The following CSMD1 variants were observed in gnomAD, a reference collection of about 807,000 sequenced individuals.
CSMD1 encodes the protein CUB and sushi domain-containing protein 1.
Under a neutral mutation model 417.5 loss-of-function variants are expected in CSMD1, and 213 were observed. The ratio of observed to expected loss-of-function variants is 0.51; its 90% confidence interval spans 0.46 to 0.57. The LOEUF is 0.57. CSMD1 is among the 20% of genes least tolerant of loss of function. The pLI is 0.00. For missense variants in CSMD1, 6,923 were observed against 4,529.7 expected, an observed-to-expected ratio of 1.53 and a Z score of -15.17; for synonymous variants, 2,862 against 1,736.8, an observed-to-expected ratio of 1.65 and a Z score of -16.11.
chr8:4,196,999 C>T (rs757455458), intron 3 of CSMD1, among the ~76,000 whole-genome samples: 3 of 152,156 alleles, frequency 2.0e-5, no homozygotes, highest in Non-Finnish European at 4.4e-5. Context: ...CTATTCTACG[C>T]TTTCTATTTT....
At chr8:4,877,916 T>C (rs549438597) in intron 1 of CSMD1, among the ~76,000 whole-genome samples, 23 of 152,196 alleles carry the variant, frequency 1.5e-4, no homozygotes, top group Non-Finnish European at 2.5e-4. Context: ...ATTTCCATCA[T>C]GTACAATGGG....
At chr8:2,958,340 T>C (rs889045993) in intron 62 of CSMD1, among the ~76,000 whole-genome samples, 1 of 152,182 alleles carries the variant, frequency 6.6e-6, no homozygotes, top group Non-Finnish European at 1.5e-5. Context: ...CACTTAATTC[T>C]CTGTACTTTG....
At chr8:3,346,902 T>A (rs1338679389) in intron 22 of CSMD1, among the ~76,000 whole-genome samples, 1 of 152,238 alleles carries the variant, frequency 6.6e-6, no homozygotes, top group Non-Finnish European at 1.5e-5. Flanking sequence ...TGTTCCTTTC[T>A]TGCCAGAAAC....
chr8:3,960,830 T>G (rs927012510), intron 5 of CSMD1, among the ~76,000 whole-genome samples: 5 of 152,012 alleles, frequency 3.3e-5, no homozygotes, highest in African/African-American at 1.2e-4. Flanking sequence ...TAAAATTACC[T>G]TGCAATCGTA....
chr8:4,699,878 G>C (rs1807405910), intron 1 of CSMD1, among the ~76,000 whole-genome samples: 1 of 152,168 alleles, frequency 6.6e-6, no homozygotes, highest in African/African-American at 2.4e-5. Context: ...AAGAGACAAA[G>C]TTTTTCAGAT....
intron 3 of CSMD1, among the ~76,000 whole-genome samples, chr8:4,260,753 T>G (rs973603041): frequency 2.0e-5 from 3 of 152,182 alleles, no homozygotes; most frequent in Non-Finnish European, 4.4e-5. Flanking sequence ...TTTAAACAAT[T>G]TAGGCTAAGT....
At chr8:4,291,027 T>C (rs1055450336) in intron 3 of CSMD1, among the ~76,000 whole-genome samples, 2 of 152,146 alleles carry the variant, frequency 1.3e-5, no homozygotes, top group Non-Finnish European at 1.5e-5. Flanking sequence ...AAATAAGATC[T>C]TCTTTGTACC....
chr8:4,269,263 C>T (rs912658930), intron 3 of CSMD1, among the ~76,000 whole-genome samples: 51 of 152,158 alleles, frequency 3.4e-4, no homozygotes, highest in African/African-American at 1.0e-3. Flanking sequence ...CACCATGTTG[C>T]CCAGGCTGGT....
At chr8:4,317,870 G>A (rs1377046978) in intron 3 of CSMD1, among the ~76,000 whole-genome samples, 2 of 152,150 alleles carry the variant, frequency 1.3e-5, no homozygotes, top group African/African-American at 4.8e-5. Context: ...ATTTTGGCAG[G>A]ATGAAAATAT....
intron 23 of CSMD1, among the ~76,000 whole-genome samples, chr8:3,313,803 A>T (rs538099554): frequency 2.4e-4 from 37 of 152,342 alleles, no homozygotes; most frequent in African/African-American, 7.9e-4. Context: ...TCATGCTTCT[A>T]TAAGGAAACA....
At chr8:4,941,518 C>G (rs67422642) in intron 1 of CSMD1, among the ~76,000 whole-genome samples, 77,757 of 151,824 alleles carry the variant, frequency 0.51, 21,147 homozygotes, top group East Asian at 0.79. Flanking sequence ...ACACATGTAA[C>G]TTGTTGTGTT....
chr8:4,445,200 G>A (rs980139110), intron 2 of CSMD1, among the ~76,000 whole-genome samples: 10 of 151,946 alleles, frequency 6.6e-5, no homozygotes, highest in African/African-American at 2.2e-4. Flanking sequence ...GCAGAATCCT[G>A]GTTAAGACTA....
At chr8:4,124,066 G>C (rs533495073) in intron 3 of CSMD1, among the ~76,000 whole-genome samples, 1 of 151,734 alleles carries the variant, frequency 6.6e-6, no homozygotes, top group East Asian at 1.9e-4. Flanking sequence ...CCAACACACA[G>C]ACTTCTACGC....
At chr8:3,067,263 T>C (rs912531361) in intron 49 of CSMD1, among the ~76,000 whole-genome samples, 2 of 152,158 alleles carry the variant, frequency 1.3e-5, no homozygotes, top group African/African-American at 4.8e-5. Flanking sequence ...TTTTCCACCA[T>C]TTCCACCATG....
Position 3,190,031 on chromosome 8 carries a change from C to T in CSMD1, c.5279G>A (p.Gly1760Asp). ...GTTGCACTCGAATCGGACGATGGAGCCGGCAGAAAACTCAGAACCAATTCT... is the reference window on the plus strand; with the variant it reads ...GTTGCACTCGAATCGGACGATGGAGTCGGCAGAAAACTCAGAACCAATTCT... ...GRRIGSEFSAGSIVRFECNPG... is the reference protein window; with the variant it reads ...GRRIGSEFSADSIVRFECNPG... The change falls in exon 34 of 70, where the codon GGC becomes GAC. Residue 1760 changes from glycine (G) to aspartate (D), a missense_variant. By Grantham distance (94) the Gly-to-Asp change is moderately conservative (BLOSUM62 -1). Transcript: ENST00000635120. The T allele has an allele frequency of 6.3e-7, 1 of 1,594,734 alleles. No homozygotes were observed. Among genetic ancestry groups the T allele is most frequent in the Non-Finnish European group, 8.5e-7 (1 of 1,170,832 alleles).
chr8:3,534,175 T>C (rs1163924676), intron 10 of CSMD1, among the ~76,000 whole-genome samples: 1 of 152,202 alleles, frequency 6.6e-6, no homozygotes, highest in African/African-American at 2.4e-5. Context: ...TTCCATCTCT[T>C]GGTGTTTCAT....
chr8:4,351,697 G>C (rs1801102723), intron 3 of CSMD1, among the ~76,000 whole-genome samples: 1 of 152,164 alleles, frequency 6.6e-6, no homozygotes, highest in East Asian at 1.9e-4. Flanking sequence ...TGAATCCTTA[G>C]GAGGAATTAG....
At chr8:3,602,000 T>G (rs1375312511) in intron 8 of CSMD1, among the ~76,000 whole-genome samples, 2 of 152,006 alleles carry the variant, frequency 1.3e-5, no homozygotes, top group East Asian at 3.9e-4. Context: ...TAGGGGAGGA[T>G]GGGAAGTTAT....
intron 49 of CSMD1, among the ~76,000 whole-genome samples, chr8:3,085,792 G>C (rs556407011): frequency 6.6e-6 from 1 of 152,248 alleles, no homozygotes; most frequent in East Asian, 1.9e-4. Context: ...TCCGTTTCCA[G>C]AACTCCTTGC....
Sources: allele counts gnomAD v4.1 joint callset (sites outside exome capture counted in the v4.1 genomes callset), GRCh38; gene constraint gnomAD v4.1.1; transcripts MANE v1.5; gene names NCBI Gene and HGNC (gene_info 2026-07-23, HGNC 2026-07-21).